The following CAPN7 variants were observed in gnomAD, a reference collection of about 807,000 sequenced individuals.
CAPN7 encodes calpain 7, also known as calpain-7.
In CAPN7, 72 loss-of-function variants were observed where a neutral mutation model predicts 115.2. That is an observed-to-expected ratio of 0.63 (90% confidence interval 0.52 to 0.76). CAPN7 has a LOEUF of 0.76. CAPN7 is among the 30% of genes least tolerant of loss of function. The pLI is 0.00. For synonymous variants in CAPN7, 344 were observed against 322.3 expected (o/e 1.07, Z -0.72); for missense variants, 905 against 971.5 (o/e 0.93, Z 0.91).
In CAPN7 at chr3:15,252,398, A is replaced by G. The variant is rs1433264308; in HGVS notation, c.*1138A>G. 1.3e-5 allele frequency: 2 copies of G among 152,640 alleles called. No homozygotes were observed. The highest frequency in any genetic ancestry group is 2.9e-5 in the Non-Finnish European group (2 of 68,022). The allele number at this position is 152,640 out of a possible 1,614,324, so 9.5% of individuals were successfully genotyped here. ...TATTTGCATGAAAATATATACTTCA[A>G]CAAAAATCTGTTCTTTAACAGAGTA... On this transcript the variant is annotated 3_prime_UTR_variant, in exon 21 of 21. Coordinates refer to ENST00000253693, the MANE Select transcript of CAPN7 (RefSeq NM_014296.3).
chr3:15,229,143 A>C, intron 8 of CAPN7, 84 bp downstream of exon 8: 1 of 919,024 alleles, frequency 1.1e-6, no homozygotes, highest in East Asian at 2.4e-5. Context: ...CTGTATAGAA[A>C]GTGGAGAGGG....
At chr3:15,218,887 C>T (rs900308099) in intron 4 of CAPN7, among the ~76,000 whole-genome samples, 1 of 152,218 alleles carries the variant, frequency 6.6e-6, no homozygotes, top group African/African-American at 2.4e-5. Flanking sequence ...TGAGCATGAA[C>T]TTGCTTTCAG....
rs181851256 is a variant in CAPN7 at position 15,232,744 on chromosome 3, A to T, written c.1179+79A>T. 74 of 1,267,860 alleles carry T rather than the reference A, an allele frequency of 5.8e-5. No homozygotes were observed. The Admixed American group carries it at 1.9e-3, about 32-fold the overall frequency. The allele number at this position is 1,267,860 out of a possible 1,614,324, so 78.5% of individuals were successfully genotyped here. On this transcript the variant is annotated intron_variant, in intron 10 of 20. Coordinates refer to ENST00000253693, the MANE Select transcript of CAPN7 (RefSeq NM_014296.3). ...GTTTTAAATTTGAAAAATTCTAGATAGTCTTTTTGTTTATAGGGAAAGAGA... is the reference window on the plus strand; with the variant it reads ...GTTTTAAATTTGAAAAATTCTAGATTGTCTTTTTGTTTATAGGGAAAGAGA...
intron 1 of CAPN7, among the ~76,000 whole-genome samples, chr3:15,207,930 TG>T (rs1171327266): frequency 6.6e-6 from 1 of 152,206 alleles, no homozygotes; most frequent in Non-Finnish European, 1.5e-5. Context: ...GTAACATAGT[TG>T]TTGATTATCA....
chr3:15,226,510 G>A (rs1407751458), intron 6 of CAPN7, among the ~76,000 whole-genome samples: 1 of 152,150 alleles, frequency 6.6e-6, no homozygotes, highest in Non-Finnish European at 1.5e-5. Flanking sequence ...GTTAATAATA[G>A]ATTACGAATT....
At chr3:15,219,453 AGTTT>A (rs1693833397) in intron 4 of CAPN7, among the ~76,000 whole-genome samples, 1 of 152,150 alleles carries the variant, frequency 6.6e-6, no homozygotes, top group Non-Finnish European at 1.5e-5. Flanking sequence ...TACTAACTTT[AGTTT>A]GTTTCCTCAG....
chr3:15,229,186 A>G lies in CAPN7; in HGVS notation c.938+127A>G, dbSNP rs116372494. The G allele has an allele frequency of 3.5e-3, 2,213 of 640,990 alleles. 5 individuals carry two copies. The highest frequency in any genetic ancestry group is 5.2e-3 in the Non-Finnish European group (1,889 of 362,776). The allele number at this position is 640,990 out of a possible 1,614,324, so 39.7% of individuals were successfully genotyped here. On this transcript the variant is annotated intron_variant, in intron 8 of 20. Coordinates refer to ENST00000253693, the MANE Select transcript of CAPN7 (RefSeq NM_014296.3). ...TTCAGAATATGGCCCTTCTGTAGAA[A>G]TTAAGCAGATGATTTATGAATGTGG...
intron 12 of CAPN7, among the ~76,000 whole-genome samples, chr3:15,235,472 G>A (rs1235365235): frequency 1.3e-5 from 2 of 151,880 alleles, no homozygotes; most frequent in Admixed American, 6.6e-5. Context: ...ATCAATCACA[G>A]TGTTAAGCTC....
intron 2 of CAPN7, among the ~76,000 whole-genome samples, chr3:15,215,287 G>A (rs192190376): frequency 6.6e-6 from 1 of 152,176 alleles, no homozygotes; most frequent in Non-Finnish European, 1.5e-5. Context: ...CCAAAAACAC[G>A]TAACTTTAAA....
At position 15,246,741 on chromosome 3, in the gene CAPN7, G is replaced by C; in HGVS notation, c.2020G>C (p.Ala674Pro). 6.2e-7 allele frequency: 1 copy of C among 1,601,974 alleles called. No homozygotes were observed. The highest frequency in any genetic ancestry group is 1.1e-5 in the South Asian group (1 of 90,258). Reference sequence around the variant, plus strand: ...CTTTTTTTAAATCTAGGTATATTCAGCATGCAGCTTTACTTTTTCAAAGAT... The same window carrying C: ...CTTTTTTTAAATCTAGGTATATTCACCATGCAGCTTTACTTTTTCAAAGAT... ...TIHYTVRVYS[A>P]CSFTFSKIPS... is the part of the protein sequence containing the mutation. The change falls in exon 18 of 21, where the codon GCA (alanine) becomes CCA (proline). Residue 674 changes from alanine (A) to proline (P), a missense_variant. By Grantham distance (27) the Ala-to-Pro change is conservative. Transcript: ENST00000253693.
chr3:15,215,268 A>T (rs77873519), intron 2 of CAPN7, among the ~76,000 whole-genome samples: 8 of 151,458 alleles, frequency 5.3e-5, no homozygotes, highest in Non-Finnish European at 8.8e-5. Flanking sequence ...CCGTGTATTT[A>T]AAAAAAAACC....
intron 12 of CAPN7, among the ~76,000 whole-genome samples, chr3:15,236,989 TAATG>T (rs941492542): frequency 7.9e-5 from 12 of 152,306 alleles, no homozygotes; most frequent in African/African-American, 2.6e-4. Flanking sequence ...TTTTCTTCAA[TAATG>T]AATTGTTCTA....
chr3:15,220,740 G>A, intron 4 of CAPN7, 41 bp from the exon 5 acceptor site: 1 of 1,582,360 alleles, frequency 6.3e-7, no homozygotes, highest in Non-Finnish European at 8.7e-7. Flanking sequence ...TTAAATGTGA[G>A]TAGAAAAACT....
chr3:15,245,799 T>A (rs1695625194), intron 17 of CAPN7, 128 bp downstream of exon 17: 1 of 650,342 alleles, frequency 1.5e-6, no homozygotes, highest in Non-Finnish European at 2.4e-6. Context: ...TTTTTTGTGC[T>A]TATCATTTTA....
chr3:15,226,228 A>G (rs542465031), intron 6 of CAPN7, among the ~76,000 whole-genome samples: 2 of 151,668 alleles, frequency 1.3e-5, no homozygotes, highest in Admixed American at 6.6e-5. Context: ...GGCGCCCACC[A>G]CACGCCCGAC....
chr3:15,206,774 T>TGAGGCTGCGGG (rs955886052), intron 1 of CAPN7, among the ~76,000 whole-genome samples, 177 bp downstream of exon 1: 3 of 152,214 alleles, frequency 2.0e-5, no homozygotes, highest in African/African-American at 7.2e-5. Context: ...AGGCCGACGC[T>TGAGGCTGCGGG]GAGGCTGCGG....
At chr3:15,219,046 G>C (rs1190608845) in intron 4 of CAPN7, among the ~76,000 whole-genome samples, 4 of 152,112 alleles carry the variant, frequency 2.6e-5, no homozygotes, top group Non-Finnish European at 5.9e-5. Flanking sequence ...TTTTCCCACA[G>C]CTCTTATTTT....
In CAPN7 at chr3:15,217,525, G is replaced by C; in HGVS notation, c.312G>C (p.Glu104Asp). 6.2e-7 allele frequency: 1 copy of C among 1,613,874 alleles called. No individual in the cohort carries two copies. The highest frequency in any genetic ancestry group is 1.1e-5 in the South Asian group (1 of 91,072). Residue 104 changes from glutamate (E) to aspartate (D), a missense_variant, in exon 3 of 21, where the codon GAG becomes GAC. This residue lies in a region of CAPN7 where 271 missense variants were observed against 239.6 expected (regional missense o/e 1.13). Coordinates refer to ENST00000253693, the MANE Select transcript of CAPN7 (RefSeq NM_014296.3). ...VTQAFDEDEK[E>D]NVEDAIELYT... is the part of the protein sequence containing the mutation. The stretch of plus-strand genomic sequence containing the variant: ...AAGCTTTTGATGAAGATGAAAAAGA[G>C]AATGTTGAAGATGCTATAGAATTGT...
rs964646963 is a variant in CAPN7, at chr3:15,218,556, C to T, written c.437+16C>T. 40 of 1,589,906 alleles carry T rather than the reference C, an allele frequency of 2.5e-5. No homozygotes were observed. Among genetic ancestry groups the T allele is most frequent in the Non-Finnish European group, 3.3e-5 (38 of 1,159,420 alleles). On this transcript the variant is annotated intron_variant, in intron 4 of 20. Coordinates refer to ENST00000253693, the MANE Select transcript of CAPN7 (RefSeq NM_014296.3). ...CACTAGACAGGTGAGTTTGATCTCT[C>T]AAGTTCTAATCCATGGATGGCACTT...
Sources: allele counts gnomAD v4.1 joint callset (sites outside exome capture counted in the v4.1 genomes callset), GRCh38; gene constraint gnomAD v4.1.1; regional missense constraint gnomAD v4.1.1; transcripts MANE v1.5; gene names NCBI Gene and HGNC (gene_info 2026-07-23, HGNC 2026-07-21).